The following TMEM132D variants were observed in gnomAD, a reference collection of about 807,000 sequenced individuals.
TMEM132D encodes the protein mature OL transmembrane protein.
A neutral mutation model predicts 62.3 loss-of-function variants in TMEM132D; 21 were observed. That is an observed-to-expected ratio of 0.34 (90% CI 0.24 to 0.49). The LOEUF (loss-of-function observed/expected upper bound fraction) is 0.49. Among genes scored for constraint, TMEM132D ranks in the 20% least tolerant of loss-of-function variants. The pLI is 0.99. For synonymous variants in TMEM132D, 621 were observed against 575.6 expected, an observed-to-expected ratio of 1.08 and a Z score of -1.13; for missense variants, 1,346 against 1,402.8, an observed-to-expected ratio of 0.96 and a Z score of 0.65.
chr12:129,661,500 A>G (rs1159359815), intron 2 of TMEM132D, among the ~76,000 whole-genome samples: 1 of 152,252 alleles, frequency 6.6e-6, no homozygotes, highest in East Asian at 1.9e-4. Context: ...CAGCCCCATC[A>G]GAAAGGAAAG....
At chr12:129,160,209 T>A (rs566519004) in intron 5 of TMEM132D, among the ~76,000 whole-genome samples, 1 of 152,214 alleles carries the variant, frequency 6.6e-6, no homozygotes, top group East Asian at 1.9e-4. Flanking sequence ...ACCACATCCA[T>A]TTTGTCTTCT....
intron 4 of TMEM132D, among the ~76,000 whole-genome samples, chr12:129,331,137 G>A (rs1869090611): frequency 6.6e-6 from 1 of 152,208 alleles, no homozygotes; most frequent in Non-Finnish European, 1.5e-5. Flanking sequence ...GCTCTAACGA[G>A]AGAATTCTGA....
intron 4 of TMEM132D, among the ~76,000 whole-genome samples, chr12:129,225,401 GC>G (rs1879454243): frequency 6.6e-6 from 1 of 152,174 alleles, no homozygotes; most frequent in Non-Finnish European, 1.5e-5. Flanking sequence ...GTTCTTGGAG[GC>G]CAACTTTCCT....
chr12:129,792,090 T>A (rs1247291527), intron 1 of TMEM132D, among the ~76,000 whole-genome samples: 4 of 152,182 alleles, frequency 2.6e-5, no homozygotes, highest in Non-Finnish European at 5.9e-5. Flanking sequence ...AATGTTTGAA[T>A]TGCTCTGAGT....
intron 1 of TMEM132D, among the ~76,000 whole-genome samples, chr12:129,744,848 T>G (rs891968260): frequency 6.6e-6 from 1 of 152,186 alleles, no homozygotes; most frequent in South Asian, 2.1e-4. Flanking sequence ...CCTACTGATA[T>G]GGTTGGGCTC....
intron 1 of TMEM132D, among the ~76,000 whole-genome samples, chr12:129,788,924 G>A (rs1447388852): frequency 6.6e-6 from 1 of 152,166 alleles, no homozygotes; most frequent in Admixed American, 6.5e-5. Context: ...ATGAGGCAGG[G>A]ATGCCGTGAG....
chr12:129,455,662 C>G (rs1239449949), intron 3 of TMEM132D, among the ~76,000 whole-genome samples: 3 of 152,102 alleles, frequency 2.0e-5, no homozygotes, highest in Non-Finnish European at 4.4e-5. Flanking sequence ...GGACTGTAGA[C>G]AGGATTTACA....
intron 3 of TMEM132D, among the ~76,000 whole-genome samples, chr12:129,396,863 A>G (rs7135619): frequency 0.08 from 12,105 of 152,212 alleles, 1,135 homozygotes; most frequent in African/African-American, 0.24. Flanking sequence ...TATGGAGGCA[A>G]TCTATGCCTA....
At chr12:129,327,885 G>T (rs1391230435) in intron 4 of TMEM132D, among the ~76,000 whole-genome samples, 3 of 152,216 alleles carry the variant, frequency 2.0e-5, no homozygotes, top group Admixed American at 1.3e-4. Flanking sequence ...CACTGCATGT[G>T]CCATGCCTGA....
chr12:129,368,501 A>C (rs1870495776), intron 3 of TMEM132D, among the ~76,000 whole-genome samples: 1 of 152,096 alleles, frequency 6.6e-6, no homozygotes, highest in African/African-American at 2.4e-5. Flanking sequence ...TGCTTTGAGG[A>C]TAGGGAGTCT....
chr12:129,596,771 T>G (rs956004103), intron 2 of TMEM132D, among the ~76,000 whole-genome samples: 31 of 146,224 alleles, frequency 2.1e-4, no homozygotes, highest in Non-Finnish European at 4.2e-4. Context: ...TCGAATGGTG[T>G]TTTTTTTTTT....
chr12:129,257,204 C>CTTTTT (rs10609616), intron 4 of TMEM132D, among the ~76,000 whole-genome samples: 11 of 122,630 alleles, frequency 9.0e-5, no homozygotes, highest in Non-Finnish European at 1.2e-4. Context: ...CTGTTTCTTT[C>CTTTTT]TTTTTTTTTT....
chr12:129,119,697 A>G (rs1875999677), intron 5 of TMEM132D, among the ~76,000 whole-genome samples: 1 of 152,154 alleles, frequency 6.6e-6, no homozygotes, highest in South Asian at 2.1e-4. Context: ...CATCCAACAA[A>G]TGTCTGATGA....
chr12:129,812,734 G>T (rs1872222874), intron 1 of TMEM132D, among the ~76,000 whole-genome samples: 1 of 151,660 alleles, frequency 6.6e-6, no homozygotes. Flanking sequence ...TTACTCCACA[G>T]ATCACTGCTT....
intron 1 of TMEM132D, among the ~76,000 whole-genome samples, chr12:129,768,020 A>T (rs565948504): frequency 4.2e-4 from 64 of 152,306 alleles, no homozygotes; most frequent in Middle Eastern, 3.4e-3. Flanking sequence ...CTTATTCACT[A>T]TCATGAGAAC....
chr12:129,843,375 T>C (rs1042683710), intron 1 of TMEM132D, among the ~76,000 whole-genome samples: 23 of 152,226 alleles, frequency 1.5e-4, no homozygotes, highest in African/African-American at 4.6e-4. Flanking sequence ...CTTCCTCATA[T>C]AGACCATGTC....
At chr12:129,872,358 C>A (rs1307240451) in intron 1 of TMEM132D, among the ~76,000 whole-genome samples, 2 of 152,150 alleles carry the variant, frequency 1.3e-5, no homozygotes, top group Non-Finnish European at 2.9e-5. Flanking sequence ...GCATCGTGAA[C>A]GTGAACTTCC....
At chr12:129,718,734 T>C (rs1868690455) in intron 1 of TMEM132D, among the ~76,000 whole-genome samples, 1 of 152,220 alleles carries the variant, frequency 6.6e-6, no homozygotes. Flanking sequence ...TTTGCCGGCT[T>C]TCCCTCTTAC....
Position 129,879,634 on chromosome 12 carries a change from G to A in TMEM132D, c.79+23627C>T, listed in dbSNP as rs1874533629. ...TGGACAACTCTGAAACACCTAGGGGGAATTTGGCGATGCCATAGAAACTAA... is the reference window on the plus strand; with the variant it reads ...TGGACAACTCTGAAACACCTAGGGGAAATTTGGCGATGCCATAGAAACTAA... On this transcript the variant is annotated intron_variant, in intron 1 of 8. Coordinates refer to ENST00000422113, the MANE Select transcript of TMEM132D (RefSeq NM_133448.3). 2.0e-5 allele frequency among the ~76,000 whole-genome samples: 3 copies of A among 152,096 alleles called. No homozygotes were observed. The South Asian group carries it at 6.2e-4, about 32-fold the overall frequency.
Sources: gnomAD v4.1 joint callset for allele counts (sites outside exome capture counted in the v4.1 genomes callset) on GRCh38, gnomAD v4.1.1 for gene constraint, MANE v1.5 for transcripts, NCBI Gene and HGNC (gene_info 2026-07-23, HGNC 2026-07-21) for gene names.